SHANK2: variants seen among roughly 807,000 people sequenced by gnomAD.
The protein encoded by SHANK2 is SH3 and multiple ankyrin repeat domains 2.
In SHANK2, 43 loss-of-function variants were observed where a neutral mutation model predicts 133.7. That is an observed-to-expected ratio of 0.32 (90% CI 0.25 to 0.41). SHANK2 has a LOEUF of 0.41. SHANK2 is among the 10% of genes least tolerant of loss of function. The pLI is 1.00. For synonymous variants in SHANK2, 1,017 were observed against 952.8 expected, an observed-to-expected ratio of 1.07 and a Z score of -1.24; for missense variants, 1,994 against 2,235.8, an observed-to-expected ratio of 0.89 and a Z score of 2.18.
chr11:70,635,360 G>A (rs1271598174), intron 17 of SHANK2: 2 of 152,198 alleles, frequency 1.3e-5, no homozygotes, highest in Non-Finnish European at 1.5e-5. Context: ...CCGTAGAGTT[G>A]GGATAGTTAT....
chr11:71,127,217 G>A (rs1440256735), intron 3 of SHANK2, among the ~76,000 whole-genome samples: 3 of 152,190 alleles, frequency 2.0e-5, no homozygotes, highest in African/African-American at 4.8e-5. Flanking sequence ...GAATGGATGA[G>A]GAGTTGCCTC....
At chr11:70,922,325 A>AGGG (rs1950363733) in intron 10 of SHANK2, among the ~76,000 whole-genome samples, 1 of 152,122 alleles carries the variant, frequency 6.6e-6, no homozygotes, top group South Asian at 2.1e-4. Flanking sequence ...CTAGAAGGAG[A>AGGG]GATGAAAAAT....
At chr11:70,910,305 T>A (rs1950172199) in intron 10 of SHANK2, among the ~76,000 whole-genome samples, 1 of 151,904 alleles carries the variant, frequency 6.6e-6, no homozygotes. Flanking sequence ...ACACCTAGGG[T>A]CCCCCGCAAA....
At chr11:70,512,226 C>G (rs2135884873) in intron 17 of SHANK2, among the ~76,000 whole-genome samples, 1 of 152,310 alleles carries the variant, frequency 6.6e-6, no homozygotes, top group South Asian at 2.1e-4. Context: ...CAGCAATAAT[C>G]TCCACCCCCA....
chr11:70,509,472 C>T, intron 17 of SHANK2, among the ~76,000 whole-genome samples: 1 of 152,256 alleles, frequency 6.6e-6, no homozygotes, highest in Admixed American at 6.5e-5. Flanking sequence ...GAGCTCTGCA[C>T]TCTTCCTTGC....
At chr11:71,134,479 G>A (rs1242382654) in intron 3 of SHANK2, among the ~76,000 whole-genome samples, 10 of 138,996 alleles carry the variant, frequency 7.2e-5, no homozygotes, top group East Asian at 4.2e-4. Context: ...TTGCTCTGTC[G>A]CCCAGGCTGG....
chr11:70,951,869 C>T (rs907557528), intron 10 of SHANK2, among the ~76,000 whole-genome samples: 1 of 152,232 alleles, frequency 6.6e-6, no homozygotes, highest in Admixed American at 6.5e-5. Context: ...CCTCCATCTT[C>T]ACGTGGCGTT....
At chr11:70,592,433 G>A (rs1179320974) in intron 17 of SHANK2, among the ~76,000 whole-genome samples, 1 of 152,150 alleles carries the variant, frequency 6.6e-6, no homozygotes, top group Non-Finnish European at 1.5e-5. Flanking sequence ...GTGGGACGTG[G>A]CCACCAATCT....
chr11:70,941,237 G>A (rs1343610113), intron 10 of SHANK2, among the ~76,000 whole-genome samples: 1 of 152,108 alleles, frequency 6.6e-6, no homozygotes, highest in Non-Finnish European at 1.5e-5. Flanking sequence ...CCTCCCCTGA[G>A]TTCTATCTAT....
intron 11 of SHANK2, among the ~76,000 whole-genome samples, chr11:70,842,189 T>C (rs1948917716): frequency 6.6e-6 from 1 of 152,276 alleles, no homozygotes; most frequent in Non-Finnish European, 1.5e-5. Flanking sequence ...AATCTCATTA[T>C]GTTATTAAAA....
intron 11 of SHANK2, among the ~76,000 whole-genome samples, chr11:70,885,194 A>AGGGGAACCACGC (rs1555073187): frequency 2.6e-5 from 4 of 151,546 alleles, no homozygotes; most frequent in South Asian, 4.2e-4. Context: ...CGCTGTATAG[A>AGGGGAACCACGC]GGGGAACCGC....
chr11:70,720,214 C>T (rs533785361), intron 14 of SHANK2, among the ~76,000 whole-genome samples: 79 of 152,332 alleles, frequency 5.2e-4, no homozygotes, highest in Admixed American at 1.8e-3. Context: ...CCTGCACACA[C>T]GTGCTTATAA....
intron 3 of SHANK2, among the ~76,000 whole-genome samples, chr11:71,142,261 G>A (rs1181133525): frequency 2.6e-5 from 4 of 152,214 alleles, no homozygotes; most frequent in Admixed American, 6.5e-5. Flanking sequence ...AGCACTTTGG[G>A]AGGCCGAGAC....
intron 5 of SHANK2, among the ~76,000 whole-genome samples, chr11:71,110,514 A>T (rs1340356828): frequency 9.2e-5 from 14 of 152,100 alleles, no homozygotes; most frequent in Non-Finnish European, 1.9e-4. Flanking sequence ...CTGAGGCAGG[A>T]GGATCGCCTG....
intron 17 of SHANK2, among the ~76,000 whole-genome samples, chr11:70,635,756 T>TA (rs1377502907): frequency 0.015 from 2,065 of 138,828 alleles, 124 homozygotes; most frequent in Admixed American, 0.11. Context: ...AGTATAACTG[T>TA]AAAAAAAAAA....
chr11:71,160,937 G>C (rs1323063485), intron 2 of SHANK2, among the ~76,000 whole-genome samples: 2 of 152,228 alleles, frequency 1.3e-5, no homozygotes, highest in Non-Finnish European at 2.9e-5. Flanking sequence ...ATAGAAACCA[G>C]TTGCCTCAAA....
intron 17 of SHANK2, among the ~76,000 whole-genome samples, chr11:70,555,817 T>A (rs1272800792): frequency 6.6e-6 from 1 of 152,212 alleles, no homozygotes; most frequent in Non-Finnish European, 1.5e-5. Flanking sequence ...GGAGAAAGTT[T>A]CAGTGGTCTG....
intron 4 of SHANK2, among the ~76,000 whole-genome samples, chr11:71,118,280 T>A (rs1409751540): frequency 2.6e-5 from 4 of 152,020 alleles, no homozygotes; most frequent in Admixed American, 2.6e-4. Flanking sequence ...CATGGCAAAA[T>A]CAGAAGCAAC....
At position 71,118,689 on chromosome 11, in the gene SHANK2, C is replaced by T. The variant is rs1952027538; in HGVS notation, c.411+140G>A. The T allele has an allele frequency of 7.8e-6, 6 of 764,508 alleles. No homozygotes were observed. In the South Asian group the frequency reaches 1.2e-4, roughly 16 times the overall value. The allele number at this position is 764,508 out of a possible 1,614,324, so 47.4% of individuals were successfully genotyped here. A position where few individuals can be genotyped will look rare whatever the true frequency, so the allele number is the denominator to read the frequency against. On this transcript the variant is annotated intron_variant, in intron 4 of 25. Coordinates refer to ENST00000601538, the MANE Select transcript of SHANK2 (RefSeq NM_012309.5). ...GCCAAATCATATCAAACCTCAAGAC[C>T]CCAGACTGATTTTTAAATGTGGGGA...
Sources: allele counts gnomAD v4.1 joint callset (sites outside exome capture counted in the v4.1 genomes callset), GRCh38; gene constraint gnomAD v4.1.1; transcripts MANE v1.5; gene names NCBI Gene and HGNC (gene_info 2026-07-23, HGNC 2026-07-21).